SCN8A: variants seen among roughly 807,000 people sequenced by gnomAD.
The protein encoded by SCN8A is sodium voltage-gated channel alpha subunit 8.
SCN8A carries 30 observed loss-of-function variants against 184.1 expected under a neutral mutation model. That is an observed-to-expected ratio of 0.16 (90% CI 0.12 to 0.22). The LOEUF is 0.22. Ranked by LOEUF, SCN8A falls within the 10% of genes least tolerant of loss-of-function variation. The pLI is 1.00. For missense variants in SCN8A, 1,057 were observed against 2,498.9 expected (o/e 0.42, Z 12.30); for synonymous variants, 852 against 907.0 (o/e 0.94, Z 1.09).
chr12:51,759,936 CAGTG>C (rs1478535542), intron 14 of SCN8A, among the ~76,000 whole-genome samples: 11 of 152,202 alleles, frequency 7.2e-5, no homozygotes, highest in Non-Finnish European at 2.9e-5. Context: ...AAGAAGCTAA[CAGTG>C]AGAGAGCAAG....
At chr12:51,686,505 G>A in intron 4 of SCN8A, 48 bp downstream of exon 4, 2 of 1,329,260 alleles carry the variant, frequency 1.5e-6, no homozygotes. Context: ...AATATTTTTA[G>A]TCACTAAATC....
At chr12:51,769,364 A>G (rs1474571833) in intron 17 of SCN8A, 29 bp downstream of exon 17, 2 of 1,514,476 alleles carry the variant, frequency 1.3e-6, no homozygotes, top group Non-Finnish European at 1.8e-6. Context: ...AACAGCCTTG[A>G]TCCTGTGTGA....
intron 20 of SCN8A, among the ~76,000 whole-genome samples, chr12:51,777,295 T>G (rs2138884439): frequency 6.6e-6 from 1 of 152,264 alleles, no homozygotes; most frequent in Admixed American, 6.5e-5. Flanking sequence ...GGTCTCACCC[T>G]GCTGCCCAGG....
intron 8 of SCN8A, among the ~76,000 whole-genome samples, chr12:51,701,572 C>T (rs937633811): frequency 6.6e-6 from 1 of 152,138 alleles, no homozygotes; most frequent in Non-Finnish European, 1.5e-5. Context: ...ATATGCTTGA[C>T]CTGACAGCAT....
intron 1 of SCN8A, among the ~76,000 whole-genome samples, chr12:51,658,452 C>T (rs114181329): frequency 0.011 from 1,738 of 152,030 alleles, 47 homozygotes; most frequent in African/African-American, 0.039. Context: ...GATTTTTGTA[C>T]GTTGATTCTG....
chr12:51,618,458 A>AACACAC lies in SCN8A; in HGVS notation c.-55+27145_-55+27150dup, dbSNP rs56163627. Among the ~76,000 whole-genome samples, 911 of 138,914 alleles carry AACACAC rather than the reference A, an allele frequency of 6.6e-3. 8 individuals are homozygous for AACACAC. Among genetic ancestry groups the AACACAC allele is most frequent in the African/African-American group, 0.019 (683 of 35,824 alleles). The allele number at this position is 138,914 out of a possible 152,430, so 91.1% of individuals were successfully genotyped here. A position where few individuals can be genotyped will look rare whatever the true frequency, so the allele number is the denominator to read the frequency against. On this transcript the variant is annotated intron_variant, in intron 1 of 26. Coordinates refer to ENST00000627620, the MANE Select transcript of SCN8A (RefSeq NM_001330260.2). The stretch of plus-strand genomic sequence containing the variant: ...AGTCCAGGCCAAGAGATACCAGAGC[A>AACACAC]ACACACACACACACACACACACACA...
At chr12:51,610,064 G>A (rs184892964) in intron 1 of SCN8A, among the ~76,000 whole-genome samples, 3 of 151,598 alleles carry the variant, frequency 2.0e-5, no homozygotes, top group East Asian at 1.9e-4. Flanking sequence ...CAGCTACTCC[G>A]GAGGCTGAGG....
chr12:51,770,182 C>T, intron 18 of SCN8A, 197 bp downstream of exon 18: 1 of 588,462 alleles, frequency 1.7e-6, no homozygotes, highest in Middle Eastern at 4.4e-4. Flanking sequence ...TTTCTATTCT[C>T]ACACTTTTCA....
chr12:51,627,633 G>A (rs557557311), intron 1 of SCN8A, among the ~76,000 whole-genome samples: 7 of 152,172 alleles, frequency 4.6e-5, no homozygotes, highest in Admixed American at 1.3e-4. Context: ...CCCCAGCCTC[G>A]GCTTCCCAAA....
At chr12:51,796,359 T>A (rs1938407368) in intron 26 of SCN8A, among the ~76,000 whole-genome samples, 1 of 152,136 alleles carries the variant, frequency 6.6e-6, no homozygotes, top group South Asian at 2.1e-4. Flanking sequence ...AATGCTACCC[T>A]TGTCCACTGC....
chr12:51,741,745 T>C (rs1375654891), intron 12 of SCN8A, among the ~76,000 whole-genome samples: 1 of 152,214 alleles, frequency 6.6e-6, no homozygotes, highest in African/African-American at 2.4e-5. Context: ...AGTTTCACTC[T>C]TGTTGCCCAG....
At chr12:51,594,660 C>T (rs1239508320) in intron 1 of SCN8A, among the ~76,000 whole-genome samples, 6 of 152,108 alleles carry the variant, frequency 3.9e-5, no homozygotes, top group Non-Finnish European at 5.9e-5. Context: ...TATAAAAATA[C>T]ATACTTATTG....
At chr12:51,755,962 A>G (rs1225145152) in intron 14 of SCN8A, among the ~76,000 whole-genome samples, 1 of 151,478 alleles carries the variant, frequency 6.6e-6, no homozygotes, top group Non-Finnish European at 1.5e-5. Context: ...CCACCCCTTC[A>G]GCACCCGAGC....
rs1001318050 is a variant in SCN8A, at chr12:51,628,055, G to C, written c.-54-34709G>C. On this transcript the variant is annotated intron_variant, in intron 1 of 26. Transcript: ENST00000627620. ...CTGGGAGAGATCATCATGGAATGGA[G>C]TTGATAAAAAGGACTTGATAGAAGG... Among the ~76,000 whole-genome samples the C allele has an allele frequency of 6.6e-5, 10 of 152,220 alleles. 1 individual carries two copies. The highest frequency in any genetic ancestry group is 2.4e-4 in the African/African-American group (10 of 41,446).
At chr12:51,696,526 G>A (rs994256672) in intron 6 of SCN8A, among the ~76,000 whole-genome samples, 2 of 152,062 alleles carry the variant, frequency 1.3e-5, no homozygotes, top group African/African-American at 4.8e-5. Context: ...ATTATGATAC[G>A]ATTTCCCAGG....
At chr12:51,634,651 T>TTC (rs1940273740) in intron 1 of SCN8A, among the ~76,000 whole-genome samples, 1 of 44,326 alleles carries the variant, frequency 2.3e-5, no homozygotes, top group South Asian at 4.2e-4. Flanking sequence ...ATTATTATTA[T>TTC]TATTATTTTT....
chr12:51,808,292 A>G lies in SCN8A; in HGVS notation c.*863A>G, dbSNP rs1487402953. The G allele has an allele frequency of 2.0e-5, 3 of 152,598 alleles. No individual in the cohort carries two copies. The highest frequency in any genetic ancestry group is 4.8e-5 in the African/African-American group (2 of 41,420). 9.5% of individuals were successfully genotyped at this position (152,598 alleles called of 1,614,324 possible). ...CACCTTCTGGGTAGGGAAACAACCA[A>G]CTAATTGACTAACACCACCAACAAC... is the stretch of plus-strand genomic sequence containing the variant. On this transcript the variant is annotated 3_prime_UTR_variant, in exon 27 of 27. Transcript: ENST00000627620.
intron 2 of SCN8A, among the ~76,000 whole-genome samples, 193 bp from the exon 3 acceptor site, chr12:51,683,978 GTAT>G (rs1325692183): frequency 6.6e-6 from 1 of 152,170 alleles, no homozygotes; most frequent in Admixed American, 6.5e-5. Context: ...TCAGCTATTT[GTAT>G]TATAATCTGG....
chr12:51,693,666 A>G (rs960165499), intron 6 of SCN8A, among the ~76,000 whole-genome samples: 3 of 152,114 alleles, frequency 2.0e-5, no homozygotes, highest in Non-Finnish European at 4.4e-5. Context: ...AAATAAATAA[A>G]TATTATCATG....
Sources: gnomAD v4.1 joint callset for allele counts (sites outside exome capture counted in the v4.1 genomes callset) on GRCh38, gnomAD v4.1.1 for gene constraint, MANE v1.5 for transcripts, NCBI Gene and HGNC (gene_info 2026-07-23, HGNC 2026-07-21) for gene names.